Variants in NUSAP1 observed in about 807,000 individuals in gnomAD.
NUSAP1 encodes the protein nucleolar and spindle associated protein 1, also known as nucleolar and spindle-associated protein 1.
Under a neutral mutation model 52.8 loss-of-function variants are expected in NUSAP1, and 32 were observed. That is an observed-to-expected ratio of 0.61 (90% CI 0.46 to 0.81). The LOEUF (loss-of-function observed/expected upper bound fraction) is 0.81, where lower values mean the gene tolerates loss of function less well. Ranked by LOEUF, NUSAP1 falls within the 40% of genes least tolerant of loss-of-function variation. The pLI, the probability that NUSAP1 is intolerant of heterozygous loss-of-function variation, is 0.00. For synonymous variants in NUSAP1, 195 were observed against 183.1 expected (o/e 1.06, Z -0.52); for missense variants, 499 against 522.3 (o/e 0.96, Z 0.43).
chr15:41,375,020 T>C (rs1227881286), intron 8 of NUSAP1, among the ~76,000 whole-genome samples: 11 of 145,826 alleles, frequency 7.5e-5, no homozygotes, highest in South Asian at 6.5e-4. Flanking sequence ...TTTTTTTTTT[T>C]CCCTCTCTGA....
chr15:41,361,614 T>C (rs1375699311), intron 6 of NUSAP1, among the ~76,000 whole-genome samples: 1 of 152,130 alleles, frequency 6.6e-6, no homozygotes, highest in African/African-American at 2.4e-5. Context: ...GATGACATAA[T>C]TTTCTAAGTA....
intron 1 of NUSAP1, among the ~76,000 whole-genome samples, chr15:41,341,131 C>T (rs950499208): frequency 2.0e-5 from 3 of 152,130 alleles, no homozygotes; most frequent in Non-Finnish European, 4.4e-5. Context: ...GGCATCATCT[C>T]CTCGGCTCAC....
chr15:41,373,378 G>A (rs184657744), intron 8 of NUSAP1, among the ~76,000 whole-genome samples: 34 of 149,790 alleles, frequency 2.3e-4, no homozygotes, highest in African/African-American at 7.4e-4. Flanking sequence ...GCAAGACTCC[G>A]TCTCAAAAAA....
Position 41,377,270 on chromosome 15 carries a change from A to G in NUSAP1, c.1198A>G (p.Lys400Glu). ...NQHVNRINFY[K>E]KTYKQPHLQT... ...ACATGTCAACAGAATTAACTTCTAC[A>G]AGAAAACTTACAAACAACCCCATCT... The change falls in exon 10 of 11, where the codon AAG becomes GAG. Residue 400 changes from lysine to glutamate, a missense_variant. By Grantham distance (56) the Lys-to-Glu change is moderately conservative. Coordinates refer to ENST00000559596, the MANE Select transcript of NUSAP1 (RefSeq NM_016359.5). 1 of 1,530,334 alleles carries G rather than the reference A, an allele frequency of 6.5e-7. No homozygotes were observed. The allele number at this position is 1,530,334 out of a possible 1,614,324, so 94.8% of individuals were successfully genotyped here. A position where few individuals can be genotyped will look rare whatever the true frequency, so the allele number is the denominator to read the frequency against.
intron 4 of NUSAP1, 161 bp downstream of exon 4, chr15:41,351,290 C>G (rs765967192): frequency 1.8e-5 from 5 of 276,318 alleles, no homozygotes; most frequent in Non-Finnish European, 2.8e-5. Context: ...GGCTGGAAGT[C>G]CAAAATCAAT....
intron 4 of NUSAP1, among the ~76,000 whole-genome samples, chr15:41,352,681 T>A (rs1870858608): frequency 6.6e-6 from 1 of 151,958 alleles, no homozygotes; most frequent in African/African-American, 2.4e-5. Context: ...CTCAGCCTCC[T>A]GAGTACCTGG....
At position 41,380,151 on chromosome 15, in the gene NUSAP1, G is replaced by A; in HGVS notation, c.1291G>A (p.Gly431Arg). Residue 431 changes from glycine (G) to arginine (R), a missense_variant, in exon 11 of 11, where the codon GGA becomes AGA. Gly to Arg is a moderately radical substitution (Grantham distance 125). Coordinates refer to ENST00000559596, the MANE Select transcript of NUSAP1 (RefSeq NM_016359.5). ...ERKEKKAKVL[G>R]MRRGLILAED The stretch of plus-strand genomic sequence containing the variant: ...AAAGGAGAAGAAAGCAAAGGTTTTG[G>A]GAATGCGAAGGGGCCTCATTTTGGC... The A allele has an allele frequency of 6.3e-7, 1 of 1,585,762 alleles. No individual in the cohort carries two copies. The highest frequency in any genetic ancestry group is 8.6e-7 in the Non-Finnish European group (1 of 1,165,880).
intron 7 of NUSAP1, among the ~76,000 whole-genome samples, chr15:41,370,363 C>T (rs574745336): frequency 1.4e-4 from 22 of 152,084 alleles, no homozygotes; most frequent in African/African-American, 5.1e-4. Context: ...GCCTGGGCGA[C>T]ATAGCGAGAC....
intron 4 of NUSAP1, among the ~76,000 whole-genome samples, chr15:41,353,072 T>C (rs2048836029): frequency 6.6e-6 from 1 of 152,170 alleles, no homozygotes; most frequent in Admixed American, 6.6e-5. Flanking sequence ...TGCTAGGTTG[T>C]TTCTTTGTGA....
At position 41,377,258 on chromosome 15, in the gene NUSAP1, A is replaced by G; in HGVS notation, c.1186A>G (p.Ile396Val). The G allele has an allele frequency of 6.5e-7, 1 of 1,540,668 alleles. No homozygotes were observed. The highest frequency in any genetic ancestry group is 8.8e-7 in the Non-Finnish European group (1 of 1,139,978). Residue 396 changes from isoleucine to valine, a missense_variant, in exon 10 of 11, where the codon ATT (isoleucine) becomes GTT (valine). Physicochemically the swap from Ile to Val is conservative, Grantham distance 29 (BLOSUM62 3). Transcript: ENST00000559596. ...TTATCTAAATCAACATGTCAACAGA[A>G]TTAACTTCTACAAGAAAACTTACAA... ...NNYLNQHVNR[I>V]NFYKKTYKQP...
At chr15:41,336,564 G>C (rs2048140070) in intron 1 of NUSAP1, among the ~76,000 whole-genome samples, 1 of 150,678 alleles carries the variant, frequency 6.6e-6, no homozygotes, top group Admixed American at 6.6e-5. Context: ...TCTAGTTGGA[G>C]AAAACACCTA....
chr15:41,349,560 G>T (rs541288447), intron 3 of NUSAP1, among the ~76,000 whole-genome samples: 3 of 152,208 alleles, frequency 2.0e-5, no homozygotes, highest in Middle Eastern at 3.4e-3. Flanking sequence ...GTTTTTTGTT[G>T]TTTTTTCGTT....
At chr15:41,338,857 C>T (rs1172058422) in intron 1 of NUSAP1, among the ~76,000 whole-genome samples, 2 of 151,786 alleles carry the variant, frequency 1.3e-5, no homozygotes, top group Non-Finnish European at 2.9e-5. Flanking sequence ...CCCAACTACT[C>T]GGGAGGATGA....
chr15:41,366,291 CT>C (rs1200034822), intron 7 of NUSAP1, among the ~76,000 whole-genome samples: 3,126 of 139,728 alleles, frequency 0.022, 94 homozygotes, highest in African/African-American at 0.075. Context: ...TTTCTTTTTT[CT>C]TTTTTTTTTT....
intron 1 of NUSAP1, among the ~76,000 whole-genome samples, chr15:41,340,413 G>T (rs1276783463): frequency 6.6e-6 from 1 of 152,030 alleles, no homozygotes; most frequent in African/African-American, 2.4e-5. Flanking sequence ...GCTTTCTTGG[G>T]TAACTGTTTC....
intron 4 of NUSAP1, among the ~76,000 whole-genome samples, chr15:41,352,745 CAG>C (rs1285737750): frequency 6.6e-6 from 1 of 152,024 alleles, no homozygotes; most frequent in African/African-American, 2.4e-5. Context: ...TTAGTAGAGA[CAG>C]GGTTTCACCA....
At chr15:41,365,645 A>T (rs979499465) in intron 7 of NUSAP1, 56 bp downstream of exon 7, 5 of 1,382,762 alleles carry the variant, frequency 3.6e-6, no homozygotes, top group African/African-American at 1.5e-5. Context: ...GGACTATATA[A>T]AAAAAAAATT....
chr15:41,347,982 G>C (rs773847736), intron 2 of NUSAP1, among the ~76,000 whole-genome samples: 2 of 152,026 alleles, frequency 1.3e-5, no homozygotes, highest in African/African-American at 4.8e-5. Context: ...ATTAGCTTAC[G>C]TGTGGTAACA....
intron 9 of NUSAP1, among the ~76,000 whole-genome samples, chr15:41,376,935 G>A (rs1384664648): frequency 6.6e-6 from 1 of 151,966 alleles, no homozygotes; most frequent in African/African-American, 2.4e-5. Flanking sequence ...AATTACCCGG[G>A]CATGGTGGCA....
Sources: gnomAD v4.1 joint callset for allele counts (sites outside exome capture counted in the v4.1 genomes callset) on GRCh38, gnomAD v4.1.1 for gene constraint, MANE v1.5 for transcripts, NCBI Gene and HGNC (gene_info 2026-07-23, HGNC 2026-07-21) for gene names.